The following SLC25A53 variants were observed in gnomAD, a reference collection of about 807,000 sequenced individuals.
SLC25A53 encodes the protein solute carrier family 25 member 53.
SLC25A53 carries 5 observed loss-of-function variants against 15.0 expected under a neutral mutation model. The observed-to-expected ratio is 0.33, with a 90% CI of 0.17 to 0.70. SLC25A53 has a LOEUF of 0.70. Ranked by LOEUF, SLC25A53 falls within the 30% of genes least tolerant of loss-of-function variation. The probability of loss-of-function intolerance (pLI) is 0.67; values close to 1 mark genes in which losing one functional copy is unlikely to be tolerated. For missense variants in SLC25A53, 216 were observed against 241.6 expected, an observed-to-expected ratio of 0.89 and a Z score of 0.70; for synonymous variants, 95 against 100.0, an observed-to-expected ratio of 0.95 and a Z score of 0.30.
chrX:104,113,524 T>C (rs191661685), intron 1 of SLC25A53: 2 of 112,230 alleles, frequency 1.8e-5, no homozygotes, highest in East Asian at 2.8e-4. Flanking sequence ...CAGGCACCTG[T>C]TGCAGAGGCT....
intron 1 of SLC25A53, among the ~76,000 whole-genome samples, chrX:104,122,057 C>T (rs1556362968): frequency 2.0e-5 from 2 of 102,540 alleles, no homozygotes; most frequent in African/African-American, 3.6e-5. Context: ...CAGGTGTGAA[C>T]CATCATCCCT....
chrX:104,128,260 T>G (rs1222609749), intron 1 of SLC25A53, among the ~76,000 whole-genome samples: 2 of 111,839 alleles, frequency 1.8e-5, no homozygotes, highest in Non-Finnish European at 3.8e-5. Flanking sequence ...ATTAGTACTT[T>G]TAGACCCTAA....
chrX:104,128,637 C>T (rs782320664), intron 1 of SLC25A53, among the ~76,000 whole-genome samples: 2 of 111,326 alleles, frequency 1.8e-5, no homozygotes, highest in Non-Finnish European at 3.8e-5. Flanking sequence ...GTCTCCAGGA[C>T]TCCTCACACT....
At chrX:104,138,223 A>C (rs1569463791) in intron 1 of SLC25A53, among the ~76,000 whole-genome samples, 1 of 110,225 alleles carries the variant, frequency 9.1e-6, no homozygotes, top group Non-Finnish European at 1.9e-5. Flanking sequence ...AGCCTGAGTA[A>C]CAGGGAGACG....
chrX:104,121,920 TATATATATATATATATGAAC>T (rs2075395235), intron 1 of SLC25A53, among the ~76,000 whole-genome samples: 1 of 47,664 alleles, frequency 2.1e-5, no homozygotes, highest in African/African-American at 7.6e-5. Context: ...TATATATATA[TATATATATATATATATGAAC>T]ATAGATATTT....
intron 1 of SLC25A53, among the ~76,000 whole-genome samples, chrX:104,139,841 GATAA>G (rs2075446416): frequency 8.9e-6 from 1 of 111,937 alleles, no homozygotes; most frequent in Non-Finnish European, 1.9e-5. Flanking sequence ...TAAATAAACA[GATAA>G]ATAAAATAAA....
rs1286536904 is a variant in SLC25A53 at position 104,145,380 on chromosome X, T to C, written c.-32+11498A>G. Among the ~76,000 whole-genome samples the C allele has an allele frequency of 5.4e-5, 6 of 111,555 alleles. No individual in the cohort carries two copies. The Admixed American group carries it at 5.7e-4, about 11-fold the overall frequency. ...AGCAGGAAGATTAAAATCAACACCC[T>C]AATATCACAATTAAAAGAACTAGAG... On this transcript the variant is annotated intron_variant, in intron 1 of 1. Transcript: ENST00000594199.
intron 1 of SLC25A53, among the ~76,000 whole-genome samples, chrX:104,109,622 A>G (rs782337260): frequency 7.1e-5 from 8 of 112,192 alleles, no homozygotes; most frequent in Non-Finnish European, 1.5e-4. Context: ...CTTGTTTGGA[A>G]GGCAGCAAAG....
chrX:104,143,868 C>G (rs1182415662), intron 1 of SLC25A53, among the ~76,000 whole-genome samples: 1 of 111,795 alleles, frequency 8.9e-6, no homozygotes, highest in Non-Finnish European at 1.9e-5. Flanking sequence ...AGGTTACCCA[C>G]AAAGGGAAGC....
At chrX:104,129,944 A>C (rs2075421516) in intron 1 of SLC25A53, among the ~76,000 whole-genome samples, 1 of 105,908 alleles carries the variant, frequency 9.4e-6, no homozygotes, top group African/African-American at 3.4e-5. Context: ...CTGGATGATA[A>C]GTATATGGGG....
intron 1 of SLC25A53, among the ~76,000 whole-genome samples, chrX:104,109,739 C>T (rs1161171863): frequency 2.7e-5 from 3 of 111,694 alleles, no homozygotes; most frequent in African/African-American, 9.8e-5. Context: ...CCCTGAAATT[C>T]AGTTTCCCTT....
chrX:104,114,806 C>T (rs782486552), intron 1 of SLC25A53: 11 of 1,208,918 alleles, frequency 9.1e-6, no homozygotes, highest in African/African-American at 1.7e-5. Context: ...CGGAAGCGGC[C>T]GAAAAGGTCT....
intron 1 of SLC25A53, among the ~76,000 whole-genome samples, chrX:104,117,248 C>T (rs1185833556): frequency 9.7e-6 from 1 of 103,306 alleles, no homozygotes; most frequent in Non-Finnish European, 2.0e-5. Context: ...TCATCCATAT[C>T]CCCGCAATCT....
chrX:104,146,496 G>T (rs1556368965), intron 1 of SLC25A53, among the ~76,000 whole-genome samples: 1 of 111,376 alleles, frequency 9.0e-6, no homozygotes, highest in Non-Finnish European at 1.9e-5. Flanking sequence ...TATTCAGTTA[G>T]GAAAAGAGGA....
chrX:104,114,983 C>T lies in SLC25A53; in HGVS notation c.-31-9695G>A, dbSNP rs190538103. 502 of 1,191,123 alleles carry T rather than the reference C, an allele frequency of 4.2e-4. No individual in the cohort carries two copies. In the African/African-American group the frequency reaches 7.5e-3, roughly 18 times the overall value. ...GTGTCTCTGTACCCTTCACTGACAC[C>T]TACAGGTGCCCCTCCCTTCAGAGGA... On this transcript the variant is annotated intron_variant, in intron 1 of 1. Transcript: ENST00000594199.
chrX:104,154,124 G>C (rs191669504), intron 1 of SLC25A53, among the ~76,000 whole-genome samples: 3 of 112,288 alleles, frequency 2.7e-5, no homozygotes, highest in African/African-American at 9.7e-5. Context: ...AAATATATAA[G>C]GGACTCAAAT....
At chrX:104,137,205 GCAAA>G (rs111925970) in intron 1 of SLC25A53, among the ~76,000 whole-genome samples, 250 of 111,155 alleles carry the variant, frequency 2.2e-3, no homozygotes, top group African/African-American at 5.2e-3. Flanking sequence ...TTAAAAACAA[GCAAA>G]CAAACAAACA....
chrX:104,130,567 T>C (rs1556365295), intron 1 of SLC25A53: 1 of 111,285 alleles, frequency 9.0e-6, no homozygotes, highest in East Asian at 2.8e-4. Flanking sequence ...GGCAGACACT[T>C]CCTGTTTTAC....
intron 1 of SLC25A53, among the ~76,000 whole-genome samples, chrX:104,153,879 A>G (rs1259954592): frequency 1.8e-5 from 2 of 112,401 alleles, no homozygotes; most frequent in African/African-American, 3.2e-5. Flanking sequence ...ACCTGAGACC[A>G]TAACACTACA....
Sources: gnomAD v4.1 joint callset for allele counts (sites outside exome capture counted in the v4.1 genomes callset) on GRCh38, gnomAD v4.1.1 for gene constraint, MANE v1.5 for transcripts, NCBI Gene and HGNC (gene_info 2026-07-23, HGNC 2026-07-21) for gene names.